CLBA1: variants seen among roughly 807,000 people sequenced by gnomAD.
CLBA1 encodes the protein uncharacterized protein CLBA1.
Under a neutral mutation model 28.8 loss-of-function variants are expected in CLBA1, and 30 were observed. That is an observed-to-expected ratio of 1.04 (90% CI 0.78 to 1.41). The LOEUF (loss-of-function observed/expected upper bound fraction) is 1.41, where lower values mean the gene tolerates loss of function less well. Ranked by LOEUF, CLBA1 falls within the 40% of genes most tolerant of loss-of-function variation. The pLI, the probability that CLBA1 is intolerant of heterozygous loss-of-function variation, is 0.00. For synonymous variants in CLBA1, 160 were observed against 152.8 expected (o/e 1.05, Z -0.35); for missense variants, 451 against 412.3 (o/e 1.09, Z -0.81).
rs564726267 is a variant in CLBA1 at position 105,000,609 on chromosome 14, T to A, written n.216+7545T>A. Among the ~76,000 whole-genome samples the A allele has an allele frequency of 5.3e-5, 8 of 152,116 alleles. No homozygotes were observed. The East Asian group carries it at 7.7e-4, about 15-fold the overall frequency. The stretch of plus-strand genomic sequence containing the variant: ...TCCAAAAATATATATATATCTATTT[T>A]TATATATATACACACACACAAATGA... On this transcript the variant is annotated intron_variant and non_coding_transcript_variant, in intron 2 of 2. Coordinates refer to the CLBA1 transcript ENST00000548178.
rs766463708 is a variant in CLBA1 at position 104,986,404 on chromosome 14, G to T, written c.-28G>T. 9 of 1,604,502 alleles carry T rather than the reference G, an allele frequency of 5.6e-6. No homozygotes were observed. In the Admixed American group the frequency reaches 1.5e-4, roughly 27 times the overall value. On this transcript the variant is annotated 5_prime_UTR_variant, in exon 1 of 5. Transcript: ENST00000547315. ...CATGTCTCCTGAGCAGCTGCCCATC[G>T]GGCCTCTGCTGGCCTGGGGGCTCCA...
At position 104,988,997 on chromosome 14, in the gene CLBA1, C is replaced by T. The variant is rs1414666884; in HGVS notation, c.478C>T (p.Gln160Ter). The change falls in exon 2 of 5, where the codon CAG becomes TAG. Residue 160 changes from glutamine (Q) to a stop codon, truncating the protein, a stop_gained. Transcript: ENST00000547315. LOFTEE classifies it high-confidence loss of function. ...GTGTGCTTTTCAAGAAATAACAGTC[C>T]AGCAGGCAGCTGAAGACGTTTCCAC... ...LKCAFQEITV[Q>*]QAAEDVSTID... 2 of 1,613,082 alleles carry T rather than the reference C, an allele frequency of 1.2e-6. No homozygotes were observed. The highest frequency in any genetic ancestry group is 1.7e-6 in the Non-Finnish European group (2 of 1,179,178).
Position 104,991,551 on chromosome 14 carries a change from G to C in CLBA1, c.630G>C (p.Gln210His). Residue 210 changes from glutamine to histidine, a missense_variant, in exon 3 of 5, where the codon CAG becomes CAC. Gln to His is a conservative substitution (Grantham distance 24). Coordinates refer to ENST00000547315, the MANE Select transcript of CLBA1 (RefSeq NM_174891.4). Reference sequence around the variant, plus strand: ...GCATACACACCACGTCTACTTCTCAGCGCCTCTGGAGCGAGTCCCGTTGCC... The same window carrying C: ...GCATACACACCACGTCTACTTCTCACCGCCTCTGGAGCGAGTCCCGTTGCC... Reference protein sequence around the residue: ...LQSIHTTSTSQRLWSESRCQE... With the variant: ...LQSIHTTSTSHRLWSESRCQE... 6.2e-7 allele frequency: 1 copy of C among 1,614,016 alleles called. No homozygotes were observed. Among genetic ancestry groups the C allele is most frequent in the Middle Eastern group, 1.6e-4 (1 of 6,062 alleles).
At chr14:104,996,630 G>A (rs771316168), downstream of CLBA1, among the ~76,000 whole-genome samples, 19 of 152,346 alleles carry the variant, frequency 1.2e-4, no homozygotes, top group South Asian at 4.1e-4. Context: ...GGCGCAAGGC[G>A]AGGGGCTGGA....
At chr14:104,992,865 A>G in intron 3 of CLBA1, 83 bp from the exon 4 acceptor site, 1 of 1,144,170 alleles carries the variant, frequency 8.7e-7, no homozygotes, top group Non-Finnish European at 1.3e-6. Flanking sequence ...TTAGCATGAA[A>G]TTAGTAGAGG....
intron 4 of CLBA1, 79 bp downstream of exon 4, chr14:104,993,143 TGTGA>T: frequency 6.5e-7 from 1 of 1,546,840 alleles, no homozygotes; most frequent in South Asian, 1.2e-5. Context: ...CTTTCTCTGA[TGTGA>T]GTCAGTTGCT....
intron 4 of CLBA1, 109 bp from the exon 5 acceptor site, chr14:104,994,489 A>T: frequency 6.9e-7 from 1 of 1,452,948 alleles, no homozygotes; most frequent in Non-Finnish European, 9.0e-7. Flanking sequence ...AGAACCAAGG[A>T]GAGAACACTA....
intron 2 of CLBA1, among the ~76,000 whole-genome samples, chr14:105,001,143 C>G (rs750116378): frequency 6.6e-6 from 1 of 151,188 alleles, no homozygotes; most frequent in African/African-American, 2.4e-5. Flanking sequence ...TTATGCTAAG[C>G]GAAATAAGCT....
chr14:104,994,790 A>T lies in CLBA1; in HGVS notation c.*31A>T, dbSNP rs770120669. On this transcript the variant is annotated 3_prime_UTR_variant, in exon 5 of 5. Transcript: ENST00000547315. Reference sequence around the variant, plus strand: ...GGAGGACTTTGTACCTTTATGAGGAATTTTTCATTTTCTTCCTGGCTGGGT... The same window carrying T: ...GGAGGACTTTGTACCTTTATGAGGATTTTTTCATTTTCTTCCTGGCTGGGT... 2 of 1,571,212 alleles carry T rather than the reference A, an allele frequency of 1.3e-6. No individual in the cohort carries two copies. The highest frequency in any genetic ancestry group is 2.3e-5 in the South Asian group (2 of 85,902).
chr14:104,987,179 G>A (rs1482465846), intron 1 of CLBA1, among the ~76,000 whole-genome samples: 1 of 152,278 alleles, frequency 6.6e-6, no homozygotes, highest in East Asian at 1.9e-4. Flanking sequence ...CCCAGCTCAG[G>A]GCATTTGAGG....
chr14:104,987,438 C>T (rs1363152059), intron 1 of CLBA1, among the ~76,000 whole-genome samples: 3 of 152,028 alleles, frequency 2.0e-5, no homozygotes, highest in Admixed American at 6.6e-5. Flanking sequence ...GTGACACTTC[C>T]GCTCCTTCTC....
chr14:104,987,302 A>G (rs1320571988), intron 1 of CLBA1, among the ~76,000 whole-genome samples: 2 of 152,194 alleles, frequency 1.3e-5, no homozygotes, highest in African/African-American at 4.8e-5. Flanking sequence ...GCGGGATCCA[A>G]CCTGTCCGGG....
Position 104,987,779 on chromosome 14 carries a change from G to A in CLBA1, c.423+925G>A, listed in dbSNP as rs112721651. 2.9e-5 allele frequency among the ~76,000 whole-genome samples: 4 copies of A among 139,670 alleles called. No homozygotes were observed. In the East Asian group the frequency reaches 6.1e-4, roughly 21 times the overall value. The allele number at this position is 139,670 out of a possible 152,430, so 91.6% of individuals were successfully genotyped here. On this transcript the variant is annotated intron_variant, in intron 1 of 4. Transcript: ENST00000547315. ...ATTACAGGCATCCACCACCACGCCC[G>A]GCTAACTTTTTATATATATATATAT...
At chr14:105,000,235 C>A (rs1345906676), downstream of CLBA1, among the ~76,000 whole-genome samples, 1 of 151,740 alleles carries the variant, frequency 6.6e-6, no homozygotes, top group Non-Finnish European at 1.5e-5. Flanking sequence ...ACCCAGATAA[C>A]CTGATTGAAA....
chr14:104,993,571 C>G, intron 4 of CLBA1: 1 of 985,482 alleles, frequency 1.0e-6, no homozygotes, highest in African/African-American at 1.7e-5. Flanking sequence ...CACATCATCA[C>G]AGCCGGGCTC....
rs1899845993 is a variant in CLBA1 at position 104,986,094 on chromosome 14, C to G, written c.-338C>G. On this transcript the variant is annotated 5_prime_UTR_variant, in exon 1 of 5. Coordinates refer to ENST00000547315, the MANE Select transcript of CLBA1 (RefSeq NM_174891.4). ...CCAGCGTGGGCCTCCCAGGCCCCCT[C>G]GCGGCTCTCTCCAGAGCAGGAGCCC... The G allele has an allele frequency of 3.0e-6, 1 of 330,618 alleles. No individual in the cohort carries two copies. Among genetic ancestry groups the G allele is most frequent in the South Asian group, 3.6e-5 (1 of 27,998 alleles). The allele number at this position is 330,618 out of a possible 1,614,324, so 20.5% of individuals were successfully genotyped here. A position where few individuals can be genotyped will look rare whatever the true frequency, so the allele number is the denominator to read the frequency against.
intron 1 of CLBA1, among the ~76,000 whole-genome samples, chr14:104,987,606 CTTT>C (rs869117577): frequency 0.014 from 853 of 59,760 alleles, no homozygotes; most frequent in Middle Eastern, 0.048. Flanking sequence ...TCTTCCTTTT[CTTT>C]TTTTTTTTTT....
downstream of CLBA1, among the ~76,000 whole-genome samples, chr14:104,997,337 G>GGAA (rs1473017752): frequency 6.6e-6 from 1 of 152,154 alleles, no homozygotes; most frequent in African/African-American, 2.4e-5. Flanking sequence ...GAGAGGGGAG[G>GGAA]GAAGACGACA....
chr14:104,992,304 C>T (rs1900057379), intron 3 of CLBA1, among the ~76,000 whole-genome samples: 1 of 152,246 alleles, frequency 6.6e-6, no homozygotes, highest in South Asian at 2.1e-4. Context: ...TGCACGTGCT[C>T]AAGCTCCTGG....
Sources: allele counts gnomAD v4.1 joint callset (sites outside exome capture counted in the v4.1 genomes callset), GRCh38; gene constraint gnomAD v4.1.1; transcripts MANE v1.5; gene names NCBI Gene and HGNC (gene_info 2026-07-23, HGNC 2026-07-21).